FOXO1: variants seen among roughly 807,000 people sequenced by gnomAD.
FOXO1 encodes the protein forkhead box O1, also known as forkhead box protein O1.
A neutral mutation model predicts 44.1 loss-of-function variants in FOXO1; 6 were observed. That is an observed-to-expected ratio of 0.14 (90% CI 0.07 to 0.27). FOXO1 has a LOEUF of 0.27. FOXO1 is among the 10% of genes least tolerant of loss of function. FOXO1 has a pLI of 1.00. For synonymous variants in FOXO1, 380 were observed against 362.7 expected (o/e 1.05, Z -0.54); for missense variants, 737 against 888.8 (o/e 0.83, Z 2.17).
intron 1 of FOXO1, among the ~76,000 whole-genome samples, chr13:40,631,948 T>A (rs867749228): frequency 6.6e-6 from 1 of 151,974 alleles, no homozygotes; most frequent in Non-Finnish European, 1.5e-5. Context: ...CCACAAATTT[T>A]AAAAAAATAG....
chr13:40,600,722 A>C (rs1297967186), intron 1 of FOXO1, among the ~76,000 whole-genome samples: 1 of 152,216 alleles, frequency 6.6e-6, no homozygotes, highest in Admixed American at 6.5e-5. Context: ...TGGAGCTTCC[A>C]AACTGTCTAA....
chr13:40,639,790 T>C (rs899073496), intron 1 of FOXO1, among the ~76,000 whole-genome samples: 2 of 152,374 alleles, frequency 1.3e-5, no homozygotes, highest in South Asian at 2.1e-4. Flanking sequence ...GCCCAGTCTT[T>C]AGCAGAGGAA....
At chr13:40,628,068 T>TA (rs1259852998) in intron 1 of FOXO1, among the ~76,000 whole-genome samples, 2 of 152,086 alleles carry the variant, frequency 1.3e-5, no homozygotes, top group Non-Finnish European at 2.9e-5. Flanking sequence ...TATACATACA[T>TA]AAAGGATGCA....
At chr13:40,638,518 TAC>T (rs1435204685) in intron 1 of FOXO1, among the ~76,000 whole-genome samples, 1 of 152,130 alleles carries the variant, frequency 6.6e-6, no homozygotes, top group Non-Finnish European at 1.5e-5. Flanking sequence ...CTTAAAAGCT[TAC>T]AGTCCAATGA....
At chr13:40,606,303 T>TTTTC (rs1197478960) in intron 1 of FOXO1, among the ~76,000 whole-genome samples, 2 of 152,030 alleles carry the variant, frequency 1.3e-5, no homozygotes, top group Non-Finnish European at 2.9e-5. Context: ...CTTTCTTTCT[T>TTTTC]TTTCTTTCTT....
chr13:40,653,356 T>C (rs1317468379), intron 1 of FOXO1, among the ~76,000 whole-genome samples: 3 of 152,208 alleles, frequency 2.0e-5, no homozygotes, highest in Non-Finnish European at 4.4e-5. Flanking sequence ...CCTCTCATTC[T>C]GTGCTGGGGA....
intron 1 of FOXO1, among the ~76,000 whole-genome samples, chr13:40,615,578 G>A (rs1460430083): frequency 2.0e-5 from 3 of 148,040 alleles, no homozygotes; most frequent in Non-Finnish European, 4.5e-5. Context: ...CATACATACA[G>A]CAGAAGGGAT....
chr13:40,572,677 C>G (rs1874582109), intron 1 of FOXO1, among the ~76,000 whole-genome samples: 1 of 152,146 alleles, frequency 6.6e-6, no homozygotes, highest in Non-Finnish European at 1.5e-5. Context: ...AATGGGTTGA[C>G]CCAATAATAG....
intron 1 of FOXO1, among the ~76,000 whole-genome samples, chr13:40,611,323 CAAACAAACAAAT>C (rs770789974): frequency 1.3e-5 from 2 of 152,140 alleles, no homozygotes; most frequent in Admixed American, 6.5e-5. Flanking sequence ...TTATTTAAAA[CAAACAAACAAAT>C]AAACAAACTT....
chr13:40,617,392 G>A (rs1237849461), intron 1 of FOXO1, among the ~76,000 whole-genome samples: 2 of 150,854 alleles, frequency 1.3e-5, no homozygotes, highest in South Asian at 2.1e-4. Flanking sequence ...TTGTGGTCAC[G>A]CCACTGCACT....
chr13:40,614,980 T>C (rs956730842), intron 1 of FOXO1, among the ~76,000 whole-genome samples: 2 of 152,210 alleles, frequency 1.3e-5, no homozygotes, highest in African/African-American at 4.8e-5. Flanking sequence ...CCAGAAGACA[T>C]GGCATAGGTG....
At position 40,646,726 on chromosome 13, in the gene FOXO1, C is replaced by T. The variant is rs768189766; in HGVS notation, c.630+18857G>A. ...CCCCTGCTTCAGCCTCCCAAGTAGC[C>T]GGGATTACAGACATGTGCCACCACG... On this transcript the variant is annotated intron_variant, in intron 1 of 2. Coordinates refer to ENST00000379561, the MANE Select transcript of FOXO1 (RefSeq NM_002015.4). Among the ~76,000 whole-genome samples the T allele has an allele frequency of 4.7e-4, 71 of 151,944 alleles. 1 individual carries two copies. Among genetic ancestry groups the T allele is most frequent in the Admixed American group, 7.2e-4 (11 of 15,236 alleles).
At chr13:40,579,375 G>A (rs756525954) in intron 1 of FOXO1, among the ~76,000 whole-genome samples, 8 of 152,196 alleles carry the variant, frequency 5.3e-5, no homozygotes, top group Admixed American at 6.5e-5. Context: ...TACTCCGTGC[G>A]AAGCAAGACC....
chr13:40,611,033 C>A (rs763285445), intron 1 of FOXO1: 30 of 455,868 alleles, frequency 6.6e-5, no homozygotes, highest in Middle Eastern at 3.4e-4. Flanking sequence ...GTTGCAAACT[C>A]TCAACTGAAC....
intron 1 of FOXO1, among the ~76,000 whole-genome samples, chr13:40,594,961 A>G (rs1875521040): frequency 6.6e-6 from 1 of 152,218 alleles, no homozygotes; most frequent in South Asian, 2.1e-4. Flanking sequence ...TGCTGAGATT[A>G]TAGGTATGAG....
chr13:40,606,365 A>G (rs1218234119), intron 1 of FOXO1, among the ~76,000 whole-genome samples: 2 of 152,056 alleles, frequency 1.3e-5, no homozygotes, highest in African/African-American at 4.8e-5. Flanking sequence ...GCTGGAGTGC[A>G]GTGGCGCAAT....
chr13:40,574,903 A>G (rs1874685989), intron 1 of FOXO1, among the ~76,000 whole-genome samples: 1 of 152,256 alleles, frequency 6.6e-6, no homozygotes, highest in South Asian at 2.1e-4. Flanking sequence ...AAACTCTTTT[A>G]AAGAAATATT....
chr13:40,584,484 A>AGCC (rs1324555771), intron 1 of FOXO1, among the ~76,000 whole-genome samples: 2 of 88,434 alleles, frequency 2.3e-5, no homozygotes, highest in Non-Finnish European at 5.8e-5. Flanking sequence ...AAAAAAAAAA[A>AGCC]AAAAAAAAAA....
rs1006159772 is a variant in FOXO1, at chr13:40,661,914, A to T, written c.630+3669T>A. On this transcript the variant is annotated intron_variant, in intron 1 of 2. Coordinates refer to ENST00000379561, the MANE Select transcript of FOXO1 (RefSeq NM_002015.4). The stretch of plus-strand genomic sequence containing the variant: ...TGGGGCCAGGCACGGTGGCTTACGC[A>T]TGTAATCTCTGCACTTTAGGAGATC... Among the ~76,000 whole-genome samples, 98 of 152,234 alleles carry T rather than the reference A, an allele frequency of 6.4e-4. 1 individual carries two copies. The highest frequency in any genetic ancestry group is 2.3e-3 in the African/African-American group (96 of 41,532).
Sources: allele counts gnomAD v4.1 joint callset (sites outside exome capture counted in the v4.1 genomes callset), GRCh38; gene constraint gnomAD v4.1.1; transcripts MANE v1.5; gene names NCBI Gene and HGNC (gene_info 2026-07-23, HGNC 2026-07-21).